ARPC1B: variants seen among roughly 807,000 people sequenced by gnomAD.
The protein encoded by ARPC1B is actin related protein 2/3 complex subunit 1B.
A neutral mutation model predicts 46.0 loss-of-function variants in ARPC1B; 29 were observed. The observed-to-expected ratio is 0.63, with a 90% CI of 0.47 to 0.86. The LOEUF is 0.86. Ranked by LOEUF, ARPC1B falls within the 40% of genes least tolerant of loss-of-function variation. The pLI is 0.00. For synonymous variants in ARPC1B, 201 were observed against 213.9 expected, an observed-to-expected ratio of 0.94 and a Z score of 0.53; for missense variants, 469 against 529.4, an observed-to-expected ratio of 0.89 and a Z score of 1.12.
intron 9 of ARPC1B, 47 bp downstream of exon 9, chr7:99,394,166 C>T: frequency 6.3e-7 from 1 of 1,587,276 alleles, no homozygotes; most frequent in Non-Finnish European, 8.6e-7. Context: ...CCAGGTCAAC[C>T]CTTTCCCCCC....
chr7:99,380,308 G>GT (rs1288912070), intron 1 of ARPC1B, among the ~76,000 whole-genome samples: 1 of 151,876 alleles, frequency 6.6e-6, no homozygotes, highest in Non-Finnish European at 1.5e-5. Flanking sequence ...TTCCTCACTG[G>GT]TAAGATGTGG....
chr7:99,380,865 G>A (rs1268458931), intron 1 of ARPC1B, among the ~76,000 whole-genome samples: 1 of 152,156 alleles, frequency 6.6e-6, no homozygotes, highest in African/African-American at 2.4e-5. Flanking sequence ...GGAAAAATTG[G>A]CCTCAGCTGG....
At chr7:99,388,405 A>C in intron 4 of ARPC1B, 144 bp downstream of exon 4, 1 of 789,842 alleles carries the variant, frequency 1.3e-6, no homozygotes, top group Non-Finnish European at 2.0e-6. Context: ...GGCCTCATTC[A>C]TGAGGCAAGG....
chr7:99,389,082 A>G (rs1794492035), intron 4 of ARPC1B: 1 of 150,744 alleles, frequency 6.6e-6, no homozygotes, highest in South Asian at 2.1e-4. Flanking sequence ...GACTACAGGC[A>G]CGCACCACCA....
chr7:99,381,267 AG>A (rs1233093865), intron 1 of ARPC1B, among the ~76,000 whole-genome samples: 3 of 152,168 alleles, frequency 2.0e-5, no homozygotes, highest in Admixed American at 6.6e-5. Flanking sequence ...TTGTGGACAC[AG>A]TGCGCTTGCG....
chr7:99,393,386 C>T (rs2150898921), intron 8 of ARPC1B, among the ~76,000 whole-genome samples: 1 of 152,198 alleles, frequency 6.6e-6, no homozygotes, highest in South Asian at 2.1e-4. Context: ...TGGGGACTGT[C>T]GTAGGGCTGG....
At chr7:99,376,936 G>T (rs112461608) in intron 1 of ARPC1B, among the ~76,000 whole-genome samples, 8 of 152,020 alleles carry the variant, frequency 5.3e-5, no homozygotes, top group African/African-American at 1.7e-4. Context: ...ATGGTGAAAG[G>T]TCTGGGTAAA....
At chr7:99,389,776 CCA>C in intron 4 of ARPC1B, 127 bp from the exon 5 acceptor site, 1 of 792,618 alleles carries the variant, frequency 1.3e-6, no homozygotes, top group Non-Finnish European at 2.1e-6. Flanking sequence ...CTGGCAATGC[CCA>C]GTCGCCTCTC....
intron 2 of ARPC1B, among the ~76,000 whole-genome samples, chr7:99,386,000 C>G (rs1214975558): frequency 2.0e-5 from 3 of 152,156 alleles, no homozygotes; most frequent in Non-Finnish European, 2.9e-5. Context: ...CCTGTAATCC[C>G]GGCACTTTGG....
At position 99,385,775 on chromosome 7, in the gene ARPC1B, A is replaced by G. The variant is rs2150892063; in HGVS notation, c.61A>G (p.Thr21Ala). 6.2e-7 allele frequency: 1 copy of G among 1,608,796 alleles called. No homozygotes were observed. Among genetic ancestry groups the G allele is most frequent in the South Asian group, 1.1e-5 (1 of 89,978 alleles). ...ISCHAWNKDR[T>A]QIAICPNNHE... ...CTGCCACGCCTGGAACAAGGACCGC[A>G]CCCGTGAGTGCTTGCTGGGGGCCGG... The change falls in exon 2 of 10, where the codon ACC (threonine) becomes GCC (alanine). Residue 21 changes from threonine to alanine, a missense_variant. By Grantham distance (58) the Thr-to-Ala change is moderately conservative. Coordinates refer to ENST00000646101, the MANE Select transcript of ARPC1B (RefSeq NM_005720.4).
At chr7:99,393,388 T>C (rs1165050114) in intron 8 of ARPC1B, among the ~76,000 whole-genome samples, 3 of 152,012 alleles carry the variant, frequency 2.0e-5, no homozygotes, top group Non-Finnish European at 4.4e-5. Context: ...GGGACTGTCG[T>C]AGGGCTGGCC....
chr7:99,394,359 T>A, intron 9 of ARPC1B, 92 bp from the exon 10 acceptor site: 1 of 1,227,998 alleles, frequency 8.1e-7, no homozygotes, highest in Non-Finnish European at 1.2e-6. Flanking sequence ...TGCCCTCTGC[T>A]GTGCTGGGGC....
chr7:99,379,311 T>C lies in ARPC1B; in HGVS notation c.-14+4530T>C, dbSNP rs781617439. Among the ~76,000 whole-genome samples, 93 of 152,334 alleles carry C rather than the reference T, an allele frequency of 6.1e-4. 1 individual carries two copies. Among genetic ancestry groups the C allele is most frequent in the Non-Finnish European group, 1.8e-4 (12 of 68,036 alleles). ...TCATGTGTGTTTCTTGACTTCACTCTGCGTGGTTGGTAAGACTTCAAGAGC... is the reference window on the plus strand; with the variant it reads ...TCATGTGTGTTTCTTGACTTCACTCCGCGTGGTTGGTAAGACTTCAAGAGC... On this transcript the variant is annotated intron_variant, in intron 1 of 9. Transcript: ENST00000646101.
rs1793981759 is a variant in ARPC1B at position 99,374,758 on chromosome 7, G to C, written c.-37G>C. Reference sequence around the variant, plus strand: ...GCCGGTTCGGCGCGTCGACTGCCCAGAGTCCGCGGCCGGGGCGCGGGAGGT... The same window carrying C: ...GCCGGTTCGGCGCGTCGACTGCCCACAGTCCGCGGCCGGGGCGCGGGAGGT... On this transcript the variant is annotated 5_prime_UTR_variant, in exon 1 of 10. Coordinates refer to ENST00000646101, the MANE Select transcript of ARPC1B (RefSeq NM_005720.4). This position sits in a 1 kb window ranked among gnomAD's most constrained non-coding sequence, Gnocchi z 5.0. 1 of 152,108 alleles carries C rather than the reference G, an allele frequency of 6.6e-6. No homozygotes were observed. Among genetic ancestry groups the C allele is most frequent in the Non-Finnish European group, 1.5e-5 (1 of 68,038 alleles). 9.4% of individuals were successfully genotyped at this position (152,108 alleles called of 1,614,324 possible).
intron 1 of ARPC1B, among the ~76,000 whole-genome samples, chr7:99,377,610 GCTTCTTCTT>G (rs34058988): frequency 3.3e-5 from 5 of 150,240 alleles, no homozygotes; most frequent in South Asian, 2.1e-4. Context: ...ACCGCGCCCA[GCTTCTTCTT>G]CTTCTTCTTC....
chr7:99,387,632 G>A (rs967412706), intron 3 of ARPC1B, among the ~76,000 whole-genome samples: 2 of 151,904 alleles, frequency 1.3e-5, no homozygotes, highest in African/African-American at 4.8e-5. Context: ...AGCTACTTGG[G>A]AGGCTGATAT....
intron 3 of ARPC1B, among the ~76,000 whole-genome samples, chr7:99,387,534 T>G (rs1479788658): frequency 1.3e-5 from 2 of 152,050 alleles, no homozygotes; most frequent in Non-Finnish European, 2.9e-5. Flanking sequence ...GGTCAGGAGT[T>G]CAAGACCAGC....
intron 1 of ARPC1B, among the ~76,000 whole-genome samples, chr7:99,381,354 G>T (rs1339462295): frequency 6.6e-6 from 1 of 152,138 alleles, no homozygotes; most frequent in Non-Finnish European, 1.5e-5. Flanking sequence ...TGCATGTGGG[G>T]AGTATGGTCA....
At position 99,394,114 on chromosome 7, in the gene ARPC1B, G is replaced by A. The variant is rs765193066; in HGVS notation, c.1075G>A (p.Val359Met). 1.5e-5 allele frequency: 25 copies of A among 1,613,312 alleles called. No homozygotes were observed. The East Asian group carries it at 3.3e-4, about 22-fold the overall frequency. The part of the protein sequence containing the change: ...GMDGGMSIWD[V>M]KSLESALKDL... Reference sequence around the variant, plus strand: ...GGATGGCGGCATGAGTATCTGGGATGTGAAGGTGAGGCTTGCCCCTCCTGG... The same window carrying A: ...GGATGGCGGCATGAGTATCTGGGATATGAAGGTGAGGCTTGCCCCTCCTGG... The change falls in exon 9 of 10, where the codon GTG becomes ATG. Residue 359 changes from valine to methionine, a missense_variant. By Grantham distance (21) the Val-to-Met change is conservative. Transcript: ENST00000646101.
Sources: allele counts gnomAD v4.1 joint callset (sites outside exome capture counted in the v4.1 genomes callset), GRCh38; gene constraint gnomAD v4.1.1; non-coding constraint Gnocchi (gnomAD v3.1); transcripts MANE v1.5; gene names NCBI Gene and HGNC (gene_info 2026-07-23, HGNC 2026-07-21).